MED27: variants seen among roughly 807,000 people sequenced by gnomAD.
The protein encoded by MED27 is mediator of RNA polymerase II transcription subunit 27.
In MED27, 30 loss-of-function variants were observed where a neutral mutation model predicts 38.2. The ratio of observed to expected loss-of-function variants is 0.79; its 90% CI spans 0.59 to 1.07. The LOEUF (loss-of-function observed/expected upper bound fraction) is 1.07, where lower values mean the gene tolerates loss of function less well. Ranked by LOEUF, MED27 falls within the 50% of genes least tolerant of loss-of-function variation. The pLI is 0.00. For missense variants in MED27, 289 were observed against 397.5 expected (o/e 0.73, Z 2.32); for synonymous variants, 122 against 153.5 (o/e 0.79, Z 1.52).
chr9:131,985,096 G>C (rs745701631), intron 3 of MED27, among the ~76,000 whole-genome samples: 26 of 152,024 alleles, frequency 1.7e-4, no homozygotes, highest in Non-Finnish European at 3.1e-4. Flanking sequence ...GCCTAATTTG[G>C]TGGTCTTATG....
At chr9:131,922,851 TG>T (rs1358539969) in intron 4 of MED27, among the ~76,000 whole-genome samples, 1 of 152,062 alleles carries the variant, frequency 6.6e-6, no homozygotes, top group Non-Finnish European at 1.5e-5. Context: ...TGACCTCAAG[TG>T]ATCCACCATT....
intron 3 of MED27, among the ~76,000 whole-genome samples, chr9:131,970,812 A>G (rs1831460357): frequency 6.6e-6 from 1 of 152,256 alleles, no homozygotes; most frequent in Non-Finnish European, 1.5e-5. Context: ...TAGGAGGAGA[A>G]CAGTAGAGAA....
chr9:132,012,073 T>C (rs552915378), intron 3 of MED27, among the ~76,000 whole-genome samples: 5 of 152,006 alleles, frequency 3.3e-5, no homozygotes, highest in Admixed American at 2.6e-4. Flanking sequence ...AATTAACAAA[T>C]GGTGAACAGA....
chr9:132,008,552 G>A (rs1218575901), intron 3 of MED27, among the ~76,000 whole-genome samples: 2 of 152,224 alleles, frequency 1.3e-5, no homozygotes, highest in African/African-American at 4.8e-5. Context: ...TCTTTGGAGG[G>A]GGAGAAAGAT....
intron 4 of MED27, among the ~76,000 whole-genome samples, chr9:131,923,044 G>A (rs777104055): frequency 4.6e-5 from 7 of 152,170 alleles, no homozygotes; most frequent in Non-Finnish European, 8.8e-5. Flanking sequence ...TCCTATTAGT[G>A]AGAATGATAT....
At chr9:132,059,668 C>T (rs527506013) in intron 2 of MED27, among the ~76,000 whole-genome samples, 4 of 152,212 alleles carry the variant, frequency 2.6e-5, no homozygotes, top group African/African-American at 7.2e-5. Context: ...GCCATTTGTA[C>T]ATCATGGCTG....
intron 4 of MED27, among the ~76,000 whole-genome samples, chr9:131,896,484 A>C (rs1829835257): frequency 6.6e-6 from 1 of 152,232 alleles, no homozygotes; most frequent in South Asian, 2.1e-4. Context: ...TTTTATATTC[A>C]AATTTTTTTC....
At position 131,861,765 on chromosome 9, in the gene MED27, TTC is replaced by T. The variant is rs1253025447; in HGVS notation, c.802-1095_802-1094del. Among the ~76,000 whole-genome samples, 1 of 70,172 alleles carries T rather than the reference TTC, an allele frequency of 1.4e-5. No homozygotes were observed. The highest frequency in any genetic ancestry group is 4.0e-5 in the African/African-American group (1 of 25,274). 46.0% of individuals were successfully genotyped at this position (70,172 alleles called of 152,430 possible). ...TGAGTGCTGTGACAGATGTAAATGG[TTC>T]TTTTTTTTTTTTTTTTTTTTTATGA... On this transcript the variant is annotated intron_variant, in intron 7 of 7. Coordinates refer to ENST00000292035, the MANE Select transcript of MED27 (RefSeq NM_004269.4). The surrounding 1 kb of genome is among the most constrained non-coding windows in gnomAD (Gnocchi z 4.4).
intron 4 of MED27, among the ~76,000 whole-genome samples, chr9:131,902,483 G>A (rs1207080402): frequency 1.3e-5 from 2 of 152,076 alleles, no homozygotes; most frequent in African/African-American, 2.4e-5. Flanking sequence ...AGGAAGAGGG[G>A]GCCACCAGGA....
intron 6 of MED27, chr9:131,869,147 A>C (rs1838785108): frequency 1.0e-6 from 1 of 985,362 alleles, no homozygotes; most frequent in African/African-American, 1.7e-5. Context: ...CAATTACAGA[A>C]ATATTTTAAT....
intron 6 of MED27, among the ~76,000 whole-genome samples, chr9:131,873,344 C>T (rs1253931355): frequency 2.6e-5 from 4 of 152,174 alleles, no homozygotes; most frequent in African/African-American, 4.8e-5. Context: ...ATCATTATTT[C>T]GAAACTGGAA....
At chr9:132,046,125 T>G (rs551614515) in intron 2 of MED27, among the ~76,000 whole-genome samples, 7 of 152,306 alleles carry the variant, frequency 4.6e-5, no homozygotes, top group African/African-American at 1.7e-4. Flanking sequence ...ATTTAGCAAG[T>G]AGGCAATGGA....
chr9:131,969,073 T>C (rs909984326), intron 3 of MED27, among the ~76,000 whole-genome samples: 1 of 152,214 alleles, frequency 6.6e-6, no homozygotes, highest in East Asian at 1.9e-4. Context: ...TGATGAGTTA[T>C]GTAATTATTT....
chr9:131,941,969 G>A (rs1830795064), intron 3 of MED27, among the ~76,000 whole-genome samples: 1 of 151,766 alleles, frequency 6.6e-6, no homozygotes, highest in Admixed American at 6.6e-5. Flanking sequence ...GGGACTACAG[G>A]TGCCCGCCAC....
intron 2 of MED27, among the ~76,000 whole-genome samples, chr9:132,016,813 C>T (rs1832612679): frequency 6.6e-6 from 1 of 152,170 alleles, no homozygotes; most frequent in Admixed American, 6.6e-5. Context: ...GGTGATTTTG[C>T]CCACCCGGCA....
At chr9:131,887,710 C>A (rs1316292707) in intron 5 of MED27, among the ~76,000 whole-genome samples, 1 of 152,184 alleles carries the variant, frequency 6.6e-6, no homozygotes, top group Non-Finnish European at 1.5e-5. Context: ...AAGCTGCAAA[C>A]CTTCAACCTG....
At chr9:131,905,021 G>C (rs915729277) in intron 4 of MED27, among the ~76,000 whole-genome samples, 2 of 152,204 alleles carry the variant, frequency 1.3e-5, no homozygotes, top group Non-Finnish European at 2.9e-5. Flanking sequence ...AGAGAATTGT[G>C]CTTCCCAATC....
At chr9:131,989,453 C>A (rs1028034888) in intron 3 of MED27, among the ~76,000 whole-genome samples, 6 of 152,142 alleles carry the variant, frequency 3.9e-5, no homozygotes, top group African/African-American at 1.4e-4. Flanking sequence ...CTGATTACCC[C>A]CTTTGTAGGT....
intron 3 of MED27, among the ~76,000 whole-genome samples, chr9:131,971,618 G>A (rs1362565248): frequency 6.6e-6 from 1 of 152,180 alleles, no homozygotes; most frequent in East Asian, 1.9e-4. Context: ...CCAAAAGAGG[G>A]TGGCCCGGAC....
Sources: allele counts gnomAD v4.1 joint callset (sites outside exome capture counted in the v4.1 genomes callset), GRCh38; gene constraint gnomAD v4.1.1; non-coding constraint Gnocchi (gnomAD v3.1); transcripts MANE v1.5; gene names NCBI Gene and HGNC (gene_info 2026-07-23, HGNC 2026-07-21).